Variants in NCKAP5 observed in about 807,000 individuals in gnomAD.
NCKAP5 encodes nck-associated protein 5.
Under a neutral mutation model 167.0 loss-of-function variants are expected in NCKAP5, and 92 were observed. The ratio of observed to expected loss-of-function variants is 0.55; its 90% CI spans 0.47 to 0.66. The LOEUF (loss-of-function observed/expected upper bound fraction) is 0.66. NCKAP5 is among the 30% of genes least tolerant of loss of function. NCKAP5 has a pLI of 0.00. For synonymous variants in NCKAP5, 891 were observed against 877.4 expected (o/e 1.02, Z -0.27); for missense variants, 2,378 against 2,315.0 (o/e 1.03, Z -0.56).
At chr2:133,516,256 T>C (rs1017193499) in intron 3 of NCKAP5, among the ~76,000 whole-genome samples, 1 of 152,056 alleles carries the variant, frequency 6.6e-6, no homozygotes. Flanking sequence ...CACATACATA[T>C]ACACACAGAG....
intron 3 of NCKAP5, among the ~76,000 whole-genome samples, chr2:133,337,932 GCC>G (rs1335137950): frequency 6.6e-6 from 1 of 152,056 alleles, no homozygotes; most frequent in Non-Finnish European, 1.5e-5. Flanking sequence ...AAACAATTTT[GCC>G]CCTAAAGTTA....
chr2:133,633,599 C>T, the NCKAP5 span, among the ~76,000 whole-genome samples: 7 of 152,150 alleles, frequency 4.6e-5, no homozygotes, highest in South Asian at 2.1e-4. Flanking sequence ...CTTCATGAAG[C>T]GGTTAACAAA....
chr2:133,336,871 G>T (rs530893564), intron 3 of NCKAP5, among the ~76,000 whole-genome samples: 2 of 152,270 alleles, frequency 1.3e-5, no homozygotes, highest in South Asian at 2.1e-4. Context: ...TTTGGCAGAG[G>T]TATATCCCTA....
chr2:133,440,852 A>G (rs1289602861), intron 3 of NCKAP5, among the ~76,000 whole-genome samples: 1 of 152,148 alleles, frequency 6.6e-6, no homozygotes, highest in Non-Finnish European at 1.5e-5. Flanking sequence ...CAAGGGTTAA[A>G]TGACTGAATA....
chr2:133,659,230 A>G, the NCKAP5 span, among the ~76,000 whole-genome samples: 1 of 152,182 alleles, frequency 6.6e-6, no homozygotes, highest in East Asian at 1.9e-4. Context: ...AAACTGAGAC[A>G]TATTGAGAAA....
rs564458685 is a variant in NCKAP5 at position 133,056,750 on chromosome 2, C to T, written c.342-62511G>A. ...CTATATGGGAGTGCACATTTGATAC[C>T]GTCATAACTTTTTTGAAGACAGATC... On this transcript the variant is annotated intron_variant, in intron 6 of 19. Coordinates refer to ENST00000409261, the MANE Select transcript of NCKAP5 (RefSeq NM_207363.3). Among the ~76,000 whole-genome samples, 50 of 152,194 alleles carry T rather than the reference C, an allele frequency of 3.3e-4. No homozygotes were observed. The Middle Eastern group carries it at 0.014, about 41-fold the overall frequency.
chr2:132,815,197 T>C (rs1686169800), intron 11 of NCKAP5, among the ~76,000 whole-genome samples: 1 of 152,200 alleles, frequency 6.6e-6, no homozygotes, highest in Non-Finnish European at 1.5e-5. Flanking sequence ...TCCTTTCATA[T>C]TATACCATGT....
At chr2:132,822,478 C>G (rs565948751) in intron 11 of NCKAP5, among the ~76,000 whole-genome samples, 1 of 152,292 alleles carries the variant, frequency 6.6e-6, no homozygotes, top group Non-Finnish European at 1.5e-5. Context: ...CAGTCCAGCT[C>G]TCAGGAAGCC....
At chr2:133,019,855 C>A (rs1021021088) in intron 6 of NCKAP5, among the ~76,000 whole-genome samples, 16 of 152,308 alleles carry the variant, frequency 1.1e-4, no homozygotes, top group African/African-American at 3.1e-4. Context: ...CACTTATATC[C>A]TCTGGTTTAC....
chr2:133,541,094 AAATT>A (rs1490854485), intron 2 of NCKAP5, among the ~76,000 whole-genome samples: 1 of 151,078 alleles, frequency 6.6e-6, no homozygotes, highest in Non-Finnish European at 1.5e-5. Flanking sequence ...ATAGACATTA[AAATT>A]AATATGCATG....
chr2:133,018,331 C>A (rs1218076153), intron 6 of NCKAP5, among the ~76,000 whole-genome samples: 1 of 152,104 alleles, frequency 6.6e-6, no homozygotes, highest in Non-Finnish European at 1.5e-5. Flanking sequence ...AAGTTATGAC[C>A]CACCAGAATA....
intron 8 of NCKAP5, among the ~76,000 whole-genome samples, chr2:132,929,366 A>T (rs1696181029): frequency 6.6e-6 from 1 of 152,144 alleles, no homozygotes; most frequent in Non-Finnish European, 1.5e-5. Flanking sequence ...CTCAAAATTT[A>T]CAATTAAACT....
intron 3 of NCKAP5, among the ~76,000 whole-genome samples, chr2:133,507,869 C>A (rs1471011661): frequency 3.3e-5 from 5 of 152,060 alleles, no homozygotes; most frequent in African/African-American, 1.2e-4. Context: ...GGCCATGAAC[C>A]CTATGGATGT....
At chr2:133,553,474 A>AGC (rs1687519809) in intron 2 of NCKAP5, among the ~76,000 whole-genome samples, 1 of 152,188 alleles carries the variant, frequency 6.6e-6, no homozygotes, top group Non-Finnish European at 1.5e-5. Context: ...ATTTGGAAAT[A>AGC]GGGGTTGAAA....
rs1435071669 is a variant in NCKAP5, at chr2:132,783,593, T to C, written c.3218A>G (p.His1073Arg). The C allele has an allele frequency of 5.6e-6, 9 of 1,613,936 alleles. No individual in the cohort carries two copies. The East Asian group carries it at 1.1e-4, about 20-fold the overall frequency. Residue 1073 changes from histidine (H) to arginine (R), a missense_variant, in exon 14 of 20, where the codon CAT becomes CGT. Coordinates refer to ENST00000409261, the MANE Select transcript of NCKAP5 (RefSeq NM_207363.3). ...LQTPRISPST[H>R]EPLEMTSSKS... ...GGAGGACGTCATTTCCAGTGGCTCA[T>C]GGGTTGAAGGAGAGATCCTGGGAGT...
intron 16 of NCKAP5, among the ~76,000 whole-genome samples, chr2:132,760,084 G>A (rs1680873958): frequency 6.6e-6 from 1 of 151,946 alleles, no homozygotes; most frequent in African/African-American, 2.4e-5. Flanking sequence ...CTTGCTTAAT[G>A]CCTCTTCCCA....
chr2:133,601,651 T>C, the NCKAP5 span, among the ~76,000 whole-genome samples: 2 of 152,206 alleles, frequency 1.3e-5, no homozygotes, highest in African/African-American at 4.8e-5. Context: ...GAGAATTGCT[T>C]GAACCCTGGA....
At position 133,486,610 on chromosome 2, in the gene NCKAP5, C is replaced by A. The variant is rs182802496; in HGVS notation, c.69+30848G>T. ...GGTTTAGCATTCAACACATGTGAAT[C>A]ACAGAAATCAGTTCAGTCAGCTGAA... On this transcript the variant is annotated intron_variant, in intron 3 of 19. Coordinates refer to ENST00000409261, the MANE Select transcript of NCKAP5 (RefSeq NM_207363.3). 1.7e-3 allele frequency among the ~76,000 whole-genome samples: 257 copies of A among 152,290 alleles called. 1 individual carries two copies. Among genetic ancestry groups the A allele is most frequent in the African/African-American group, 5.9e-3 (245 of 41,570 alleles).
chr2:133,339,400 G>A (rs1215644615), intron 3 of NCKAP5, among the ~76,000 whole-genome samples: 1 of 152,116 alleles, frequency 6.6e-6, no homozygotes, highest in African/African-American at 2.4e-5. Context: ...TTGTAATAAA[G>A]CATATAAAGT....
Sources: allele counts gnomAD v4.1 joint callset (sites outside exome capture counted in the v4.1 genomes callset), GRCh38; gene constraint gnomAD v4.1.1; transcripts MANE v1.5; gene names NCBI Gene and HGNC (gene_info 2026-07-23, HGNC 2026-07-21).